RALGPS1: variants seen among roughly 807,000 people sequenced by gnomAD.
The protein encoded by RALGPS1 is Ral GEF with PH domain and SH3 binding motif 1, also known as ras-specific guanine nucleotide-releasing factor RalGPS1.
In RALGPS1, 19 loss-of-function variants were observed where a neutral mutation model predicts 78.8. The ratio of observed to expected loss-of-function variants is 0.24; its 90% CI spans 0.17 to 0.35. The LOEUF is 0.35. RALGPS1 is among the 10% of genes least tolerant of loss of function. The pLI is 1.00. For synonymous variants in RALGPS1, 228 were observed against 256.3 expected (o/e 0.89, Z 1.06); for missense variants, 454 against 688.3 (o/e 0.66, Z 3.81).
At chr9:127,107,793 TTG>T (rs2054364513) in intron 8 of RALGPS1, 1 of 971,112 alleles carries the variant, frequency 1.0e-6, no homozygotes, top group Non-Finnish European at 1.5e-6. Context: ...TGCTGGGGGA[TTG>T]TGCATGTCTT....
intron 11 of RALGPS1, chr9:127,177,758 A>C: frequency 6.7e-7 from 1 of 1,486,202 alleles, no homozygotes; most frequent in Non-Finnish European, 9.1e-7. Context: ...GAGGCACTGC[A>C]TTTCCTGGCC....
intron 4 of RALGPS1, among the ~76,000 whole-genome samples, chr9:126,983,473 T>G (rs189863997): frequency 2.3e-4 from 35 of 152,326 alleles, no homozygotes; most frequent in East Asian, 1.9e-3. Context: ...GATGTAGCTC[T>G]TTAAAAAGTT....
intron 11 of RALGPS1, among the ~76,000 whole-genome samples, chr9:127,176,780 AG>A (rs1485245775): frequency 6.6e-6 from 1 of 152,124 alleles, no homozygotes; most frequent in East Asian, 1.9e-4. Flanking sequence ...CTGAGCAGGG[AG>A]AGGTGGGAGA....
chr9:127,098,294 G>A (rs986352386), intron 8 of RALGPS1, among the ~76,000 whole-genome samples: 5 of 152,230 alleles, frequency 3.3e-5, no homozygotes, highest in African/African-American at 1.2e-4. Flanking sequence ...AGAGTACCTA[G>A]CGGTGTTTAA....
chr9:126,926,644 C>T lies in RALGPS1; in HGVS notation c.-66+11669C>T, dbSNP rs960849818. ...TGTTGTCTTGTGGTCAGTGGAGAATCGTTCAAGCTCTAAGAGGAGAGAAGG... is the reference window on the plus strand; with the variant it reads ...TGTTGTCTTGTGGTCAGTGGAGAATTGTTCAAGCTCTAAGAGGAGAGAAGG... On this transcript the variant is annotated intron_variant, in intron 1 of 18. Transcript: ENST00000259351. Among the ~76,000 whole-genome samples, 15 of 152,118 alleles carry T rather than the reference C, an allele frequency of 9.9e-5. 2 individuals carry two copies. Among genetic ancestry groups the T allele is most frequent in the Admixed American group, 8.5e-4 (13 of 15,270 alleles).
At chr9:127,005,995 C>T (rs563647925) in intron 4 of RALGPS1, among the ~76,000 whole-genome samples, 1 of 152,134 alleles carries the variant, frequency 6.6e-6, no homozygotes, top group African/African-American at 2.4e-5. Context: ...ATACAGCTTT[C>T]GATAAAATCC....
intron 8 of RALGPS1, among the ~76,000 whole-genome samples, chr9:127,071,272 T>C (rs2050179157): frequency 6.6e-6 from 1 of 152,158 alleles, no homozygotes; most frequent in Non-Finnish European, 1.5e-5. Context: ...GGATTTGTTT[T>C]CAGTCACACT....
rs1367806137 is a variant in RALGPS1 at position 127,183,613 on chromosome 9, G to A, written c.910+8831G>A. Reference sequence around the variant, plus strand: ...AGTAGCTCCCCTGGGTCTCCTGACTGCTAGAGACATAGTTCAACCTCCGCA... The same window carrying A: ...AGTAGCTCCCCTGGGTCTCCTGACTACTAGAGACATAGTTCAACCTCCGCA... On this transcript the variant is annotated intron_variant, in intron 11 of 18. Transcript: ENST00000259351. This position sits in a 1 kb window ranked among gnomAD's most constrained non-coding sequence, Gnocchi z 4.0. 6.6e-6 allele frequency among the ~76,000 whole-genome samples: 1 copy of A among 152,158 alleles called. No homozygotes were observed. Among genetic ancestry groups the A allele is most frequent in the Admixed American group, 6.5e-5 (1 of 15,278 alleles).
At chr9:126,949,442 G>A (rs957559124) in intron 1 of RALGPS1, among the ~76,000 whole-genome samples, 7 of 152,138 alleles carry the variant, frequency 4.6e-5, no homozygotes, top group Non-Finnish European at 8.8e-5. Context: ...GCGTCAAAGT[G>A]TTCCTGTTTC....
At chr9:126,988,665 CTAGT>C (rs1254591789) in intron 4 of RALGPS1, among the ~76,000 whole-genome samples, 1 of 152,144 alleles carries the variant, frequency 6.6e-6, no homozygotes, top group Non-Finnish European at 1.5e-5. Flanking sequence ...GTCAGGGAGA[CTAGT>C]TAGGAGGATT....
chr9:127,110,132 C>CA (rs1338312418), intron 8 of RALGPS1, among the ~76,000 whole-genome samples: 7 of 152,218 alleles, frequency 4.6e-5, no homozygotes, highest in Non-Finnish European at 7.3e-5. Flanking sequence ...TGCCTGCACT[C>CA]ACCATTTCCA....
At chr9:127,051,376 G>A (rs1452239299) in intron 6 of RALGPS1, among the ~76,000 whole-genome samples, 2 of 152,156 alleles carry the variant, frequency 1.3e-5, no homozygotes, top group Admixed American at 6.5e-5. Flanking sequence ...TCTGTGCCCT[G>A]GGTCTTTCCT....
rs114515058 is a variant in RALGPS1 at position 127,214,910 on chromosome 9, A to G, written c.1644+68A>G. The G allele has an allele frequency of 1.1e-3, 1,703 of 1,598,486 alleles. 27 individuals carry two copies. The African/African-American group carries it at 0.021, about 20-fold the overall frequency. ...CCCACCCTTGGAACTAAGGGTCTTT[A>G]GAAAACAGGGTTCCCTTCTTCTTTC... On this transcript the variant is annotated intron_variant, in intron 18 of 18. Coordinates refer to ENST00000259351, the MANE Select transcript of RALGPS1 (RefSeq NM_014636.3).
In RALGPS1 at chr9:127,205,631, C is replaced by T. The variant is rs1050435258; in HGVS notation, c.1248-6500C>T. 3.3e-5 allele frequency among the ~76,000 whole-genome samples: 5 copies of T among 152,364 alleles called. No homozygotes were observed. Among genetic ancestry groups the T allele is most frequent in the African/African-American group, 7.2e-5 (3 of 41,592 alleles). Reference sequence around the variant, plus strand: ...GTCAGCACCTAGAAAGCGGGCAGGACGCTCCTTCCATCTTGTGTCCATCCT... The same window carrying T: ...GTCAGCACCTAGAAAGCGGGCAGGATGCTCCTTCCATCTTGTGTCCATCCT... On this transcript the variant is annotated intron_variant, in intron 14 of 18. Coordinates refer to ENST00000259351, the MANE Select transcript of RALGPS1 (RefSeq NM_014636.3). This position sits in a 1 kb window ranked among gnomAD's most constrained non-coding sequence, Gnocchi z 4.0.
At chr9:126,970,779 C>T (rs576219591) in intron 3 of RALGPS1, among the ~76,000 whole-genome samples, 2 of 152,214 alleles carry the variant, frequency 1.3e-5, no homozygotes, top group Admixed American at 6.5e-5. Flanking sequence ...ACTAATTTTG[C>T]ATAAACATAA....
intron 8 of RALGPS1, among the ~76,000 whole-genome samples, chr9:127,162,934 G>A (rs2059103641): frequency 6.6e-6 from 1 of 152,206 alleles, no homozygotes; most frequent in Non-Finnish European, 1.5e-5. Context: ...CTTGCTGTGA[G>A]GCCTTGGGCA....
In RALGPS1 at chr9:126,995,233, G is replaced by A. The variant is rs891095326; in HGVS notation, c.216+17488G>A. Among the ~76,000 whole-genome samples, 255 of 152,190 alleles carry A rather than the reference G, an allele frequency of 1.7e-3. 2 individuals carry two copies. The highest frequency in any genetic ancestry group is 5.8e-3 in the African/African-American group (241 of 41,536). On this transcript the variant is annotated intron_variant, in intron 4 of 18. Coordinates refer to ENST00000259351, the MANE Select transcript of RALGPS1 (RefSeq NM_014636.3). ...ATGCTCCAATTAAAAGACACAGACTGGCAAATTGGATAAAGAGTCAAGACC... is the reference window on the plus strand; with the variant it reads ...ATGCTCCAATTAAAAGACACAGACTAGCAAATTGGATAAAGAGTCAAGACC...
chr9:127,067,429 G>T (rs901190724), intron 7 of RALGPS1, among the ~76,000 whole-genome samples: 1 of 152,176 alleles, frequency 6.6e-6, no homozygotes. Context: ...TGCATCCTCT[G>T]TGGTCCCAGA....
chr9:127,141,871 A>C (rs1466757861), intron 8 of RALGPS1, among the ~76,000 whole-genome samples: 2 of 152,230 alleles, frequency 1.3e-5, no homozygotes, highest in African/African-American at 4.8e-5. Context: ...TTTATATGTA[A>C]ATGAATCATT....
Sources: allele counts gnomAD v4.1 joint callset (sites outside exome capture counted in the v4.1 genomes callset), GRCh38; gene constraint gnomAD v4.1.1; non-coding constraint Gnocchi (gnomAD v3.1); transcripts MANE v1.5; gene names NCBI Gene and HGNC (gene_info 2026-07-23, HGNC 2026-07-21).